PTPRG: variants seen among roughly 807,000 people sequenced by gnomAD.
The protein encoded by PTPRG is receptor-type tyrosine-protein phosphatase gamma.
Under a neutral mutation model 165.3 loss-of-function variants are expected in PTPRG, and 102 were observed. The ratio of observed to expected loss-of-function variants is 0.62; its 90% CI spans 0.53 to 0.73. PTPRG has a LOEUF of 0.73. Among genes scored for constraint, PTPRG ranks in the 30% least tolerant of loss-of-function variants. The pLI, the probability that PTPRG is intolerant of heterozygous loss-of-function variation, is 0.00. For missense variants in PTPRG, 1,866 were observed against 1,861.4 expected, an observed-to-expected ratio of 1.00 and a Z score of -0.05; for synonymous variants, 675 against 669.5, an observed-to-expected ratio of 1.01 and a Z score of -0.13.
intron 1 of PTPRG, among the ~76,000 whole-genome samples, chr3:61,580,990 C>G (rs1216103753): frequency 6.6e-6 from 1 of 152,200 alleles, no homozygotes; most frequent in Admixed American, 6.5e-5. Context: ...GCATGTTAGT[C>G]CTAGAGCATA....
chr3:61,962,445 T>A lies in PTPRG; in HGVS notation c.191-27180T>A, dbSNP rs533686851. 7.9e-5 allele frequency among the ~76,000 whole-genome samples: 12 copies of A among 152,262 alleles called. No homozygotes were observed. In the East Asian group the frequency reaches 2.3e-3, roughly 29 times the overall value. ...AGTACAACTTTGCTCATCTGTGAAA[T>A]GGGAATTACATAACCTATGGCAAAG... is the stretch of plus-strand genomic sequence containing the variant. On this transcript the variant is annotated intron_variant, in intron 2 of 29. Coordinates refer to ENST00000474889, the MANE Select transcript of PTPRG (RefSeq NM_002841.4).
rs1340592366 is a variant in PTPRG at position 61,708,719 on chromosome 3, G to C, written c.86-40159G>C. Among the ~76,000 whole-genome samples the C allele has an allele frequency of 3.9e-5, 6 of 152,080 alleles. No homozygotes were observed. The South Asian group carries it at 1.2e-3, about 32-fold the overall frequency. On this transcript the variant is annotated intron_variant, in intron 1 of 29. Coordinates refer to ENST00000474889, the MANE Select transcript of PTPRG (RefSeq NM_002841.4). ...TGATCCGCCCGCCTCGGCCTCCCAA[G>C]GTGCTGGAATTACAGGCATGAGCCA...
At chr3:62,051,861 T>G (rs1251407905) in intron 4 of PTPRG, among the ~76,000 whole-genome samples, 2 of 152,364 alleles carry the variant, frequency 1.3e-5, no homozygotes, top group East Asian at 3.9e-4. Flanking sequence ...GGAATACCAG[T>G]GTACACAGAA....
Position 62,056,054 on chromosome 3 carries a change from C to T in PTPRG, c.520-22109C>T, listed in dbSNP as rs558750945. ...AATCCAAGTACATATGACTCTATAG[C>T]CCAAGGCTCTAACAACTGTGCCATT... On this transcript the variant is annotated intron_variant, in intron 4 of 29. Transcript: ENST00000474889. 5.9e-5 allele frequency among the ~76,000 whole-genome samples: 9 copies of T among 152,296 alleles called. 1 individual carries two copies. In the South Asian group the frequency reaches 1.9e-3, roughly 32 times the overall value.
intron 2 of PTPRG, among the ~76,000 whole-genome samples, chr3:61,854,319 T>A (rs2037043577): frequency 6.6e-6 from 1 of 152,216 alleles, no homozygotes; most frequent in South Asian, 2.1e-4. Flanking sequence ...ATAAAAACAT[T>A]GAGCCTCGGT....
rs577302571 is a variant in PTPRG, at chr3:62,157,118, C to T, written c.734C>T (p.Ser245Phe). Residue 245 changes from serine (S) to phenylalanine (F), a missense_variant, in exon 7 of 30, where the codon TCC becomes TTC. Transcript: ENST00000474889. Reference sequence around the variant, plus strand: ...GTCCTCCGGGACCTCCTGCCTGCATCCCTGGGCAGCTATTATCGGTACACA... The same window carrying T: ...GTCCTCCGGGACCTCCTGCCTGCATTCCTGGGCAGCTATTATCGGTACACA... ...PFVLRDLLPA[S>F]LGSYYRYTGS... The T allele has an allele frequency of 1.1e-5, 17 of 1,612,022 alleles. No individual in the cohort carries two copies. The Admixed American group carries it at 1.3e-4, about 13-fold the overall frequency.
intron 2 of PTPRG, among the ~76,000 whole-genome samples, chr3:61,881,503 A>G (rs968716261): frequency 4.6e-5 from 7 of 152,126 alleles, no homozygotes; most frequent in Non-Finnish European, 7.4e-5. Context: ...TAGGGACCCA[A>G]ATAGACCATT....
intron 1 of PTPRG, among the ~76,000 whole-genome samples, chr3:61,689,184 A>C (rs1029411149): frequency 8.5e-5 from 13 of 152,362 alleles, no homozygotes; most frequent in Admixed American, 2.6e-4. Context: ...GAAGCTGCTT[A>C]GCAAAGATCC....
At chr3:62,220,889 T>C (rs1700636325) in intron 13 of PTPRG, among the ~76,000 whole-genome samples, 1 of 152,068 alleles carries the variant, frequency 6.6e-6, no homozygotes, top group Admixed American at 6.6e-5. Flanking sequence ...AAAGAAACAC[T>C]TTGTACCCAG....
chr3:61,990,133 C>G (rs1199547635), intron 3 of PTPRG, among the ~76,000 whole-genome samples: 1 of 151,982 alleles, frequency 6.6e-6, no homozygotes, highest in Non-Finnish European at 1.5e-5. Flanking sequence ...CCACTAGCCA[C>G]ATGTGACTAT....
chr3:61,631,120 G>A (rs1559531935), intron 1 of PTPRG, among the ~76,000 whole-genome samples: 1 of 151,500 alleles, frequency 6.6e-6, no homozygotes, highest in Non-Finnish European at 1.5e-5. Context: ...CAAATCTTCA[G>A]ACTATTGGAA....
intron 5 of PTPRG, among the ~76,000 whole-genome samples, chr3:62,107,322 G>C (rs1702507736): frequency 1.3e-5 from 2 of 152,112 alleles, no homozygotes; most frequent in Non-Finnish European, 2.9e-5. Context: ...TGAGATTTTT[G>C]TGTCCCCAAG....
At chr3:62,034,407 C>T (rs1699876299) in intron 4 of PTPRG, among the ~76,000 whole-genome samples, 1 of 152,182 alleles carries the variant, frequency 6.6e-6, no homozygotes, top group African/African-American at 2.4e-5. Flanking sequence ...GGCTACCAGC[C>T]TTGGGTCACT....
chr3:61,596,200 C>T (rs548223668), intron 1 of PTPRG, among the ~76,000 whole-genome samples: 1 of 152,262 alleles, frequency 6.6e-6, no homozygotes, highest in African/African-American at 2.4e-5. Flanking sequence ...GAAATTTTAT[C>T]GTTGTCACCC....
At chr3:61,890,052 G>T (rs944235257) in intron 2 of PTPRG, among the ~76,000 whole-genome samples, 2 of 152,176 alleles carry the variant, frequency 1.3e-5, no homozygotes, top group Non-Finnish European at 2.9e-5. Context: ...TTTGTACGAA[G>T]ATATTTTAAG....
intron 5 of PTPRG, among the ~76,000 whole-genome samples, chr3:62,099,074 G>T (rs146201844): frequency 6.6e-6 from 1 of 152,134 alleles, no homozygotes; most frequent in South Asian, 2.1e-4. Flanking sequence ...ACATATAGTT[G>T]CATTTCTTAT....
intron 2 of PTPRG, among the ~76,000 whole-genome samples, chr3:61,930,735 T>C (rs1464296451): frequency 1.3e-5 from 2 of 152,178 alleles, no homozygotes; most frequent in Non-Finnish European, 2.9e-5. Flanking sequence ...GTAATTATGC[T>C]GTCGAACCAC....
At position 61,612,828 on chromosome 3, in the gene PTPRG, C is replaced by T. The variant is rs556111907; in HGVS notation, c.85+50456C>T. On this transcript the variant is annotated intron_variant, in intron 1 of 29. Transcript: ENST00000474889. ...TTCGGGGGAATGGGATCCTATTACT[C>T]GTTCTGAATTCTCTGGTTCCTGGAA... Among the ~76,000 whole-genome samples the T allele has an allele frequency of 4.9e-4, 74 of 150,908 alleles. 2 individuals carry two copies. In the South Asian group the frequency reaches 0.014, roughly 28 times the overall value.
chr3:62,200,117 G>A (rs983298256), intron 10 of PTPRG, among the ~76,000 whole-genome samples: 1 of 152,148 alleles, frequency 6.6e-6, no homozygotes, highest in South Asian at 2.1e-4. Context: ...GTTCTTCAAT[G>A]CGTGTAGAGT....
Sources: allele counts gnomAD v4.1 joint callset (sites outside exome capture counted in the v4.1 genomes callset), GRCh38; gene constraint gnomAD v4.1.1; transcripts MANE v1.5; gene names NCBI Gene and HGNC (gene_info 2026-07-23, HGNC 2026-07-21).